The following EYA1 variants were observed in gnomAD, a reference collection of about 807,000 sequenced individuals.
The protein encoded by EYA1 is protein phosphatase EYA1.
A neutral mutation model predicts 82.0 loss-of-function variants in EYA1; 16 were observed. That is an observed-to-expected ratio of 0.20 (90% CI 0.13 to 0.30). The LOEUF (loss-of-function observed/expected upper bound fraction) is 0.30. EYA1 is among the 10% of genes least tolerant of loss of function. EYA1 has a pLI of 1.00. For missense variants in EYA1, 633 were observed against 730.7 expected (o/e 0.87, Z 1.54); for synonymous variants, 261 against 264.4 (o/e 0.99, Z 0.12).
At position 71,418,449 on chromosome 8, in the gene EYA1, C is replaced by T. The variant is rs149487669; in HGVS notation, c.34-61938G>A. ...CTGAACCCATTTTCTGACTTGAGCCCACATGCACTTTGGCATACAGAATAA... is the reference window on the plus strand; with the variant it reads ...CTGAACCCATTTTCTGACTTGAGCCTACATGCACTTTGGCATACAGAATAA... On this transcript the variant is annotated intron_variant, in intron 2 of 18. Transcript: ENST00000643681. Among the ~76,000 whole-genome samples the T allele has an allele frequency of 7.9e-5, 12 of 152,176 alleles. No individual in the cohort carries two copies. In the East Asian group the frequency reaches 2.1e-3, roughly 27 times the overall value.
intron 12 of EYA1, among the ~76,000 whole-genome samples, chr8:71,239,798 G>C (rs1461783634): frequency 6.6e-6 from 1 of 152,176 alleles, no homozygotes; most frequent in Non-Finnish European, 1.5e-5. Context: ...GCTGAACATA[G>C]AGCATCAGAG....
chr8:71,217,932 G>A (rs2128856961), intron 12 of EYA1, among the ~76,000 whole-genome samples: 1 of 152,218 alleles, frequency 6.6e-6, no homozygotes, highest in African/African-American at 2.4e-5. Flanking sequence ...ATCCCCAGAT[G>A]AATTGTGGGA....
intron 17 of EYA1, among the ~76,000 whole-genome samples, chr8:71,205,591 ACTT>A (rs1435941901): frequency 6.6e-6 from 1 of 152,190 alleles, no homozygotes; most frequent in African/African-American, 2.4e-5. Context: ...GGTATTTCTA[ACTT>A]CTTCTCTTTG....
chr8:71,276,966 C>T (rs1323189213), intron 9 of EYA1, among the ~76,000 whole-genome samples: 6 of 152,032 alleles, frequency 3.9e-5, no homozygotes, highest in East Asian at 1.9e-4. Context: ...TAGCACTCTA[C>T]GATGTTAGCT....
rs1036665112 is a variant in EYA1 at position 71,236,235 on chromosome 8, C to T, written c.1140+8368G>A. Reference sequence around the variant, plus strand: ...ATTTTTAGTAGAGATGGGGTTTCACCGTGTTGGTCAGACGGGTTTCAAACT... The same window carrying T: ...ATTTTTAGTAGAGATGGGGTTTCACTGTGTTGGTCAGACGGGTTTCAAACT... On this transcript the variant is annotated intron_variant, in intron 12 of 17. Transcript: ENST00000340726. Among the ~76,000 whole-genome samples, 9 of 152,120 alleles carry T rather than the reference C, an allele frequency of 5.9e-5. No individual in the cohort carries two copies. In the East Asian group the frequency reaches 1.2e-3, roughly 20 times the overall value.
At chr8:71,518,102 C>T (rs1339651580) in intron 2 of EYA1, among the ~76,000 whole-genome samples, 4 of 151,908 alleles carry the variant, frequency 2.6e-5, no homozygotes, top group African/African-American at 9.7e-5. Flanking sequence ...ATTTTAATTT[C>T]TTCCCATGGC....
intron 3 of EYA1, among the ~76,000 whole-genome samples, chr8:71,353,226 G>A (rs983233455): frequency 6.6e-6 from 1 of 152,170 alleles, no homozygotes; most frequent in African/African-American, 2.4e-5. Context: ...GCCGGCGCAG[G>A]GACCTGCGGC....
chr8:71,462,836 G>A (rs539028393), intron 2 of EYA1, among the ~76,000 whole-genome samples: 2 of 152,270 alleles, frequency 1.3e-5, no homozygotes, highest in South Asian at 2.1e-4. Context: ...GAGGACCAGC[G>A]TCTGCCATTG....
chr8:71,502,354 A>G (rs1461941886), intron 2 of EYA1, among the ~76,000 whole-genome samples: 1 of 152,222 alleles, frequency 6.6e-6, no homozygotes, highest in Non-Finnish European at 1.5e-5. Flanking sequence ...TTATAGGGAA[A>G]TAAACTGCCT....
At chr8:71,491,280 AAGG>A (rs1810979966) in intron 2 of EYA1, among the ~76,000 whole-genome samples, 1 of 152,330 alleles carries the variant, frequency 6.6e-6, no homozygotes, top group Non-Finnish European at 1.5e-5. Flanking sequence ...GAAAAAAAGA[AAGG>A]AGCATTGTTT....
At chr8:71,279,890 G>C (rs750322357) in intron 9 of EYA1, among the ~76,000 whole-genome samples, 34 of 152,132 alleles carry the variant, frequency 2.2e-4, no homozygotes, top group Non-Finnish European at 1.6e-4. Flanking sequence ...AGCAAGGCTC[G>C]GTAAATTTTT....
chr8:71,210,332 G>A (rs1808345435), intron 17 of EYA1, among the ~76,000 whole-genome samples: 1 of 152,194 alleles, frequency 6.6e-6, no homozygotes. Context: ...TTAGGGAAAA[G>A]ATTCCAAGGA....
Position 71,348,134 on chromosome 8 carries a change from C to T in EYA1, c.124+6648G>A, listed in dbSNP as rs1385975418. ...TTTGTAACATGTATGTATTTTTTTT[C>T]TATTATATTGTACGCTTAGAGTGAA... On this transcript the variant is annotated intron_variant, in intron 3 of 17. Transcript: ENST00000340726. Among the ~76,000 whole-genome samples, 6 of 151,800 alleles carry T rather than the reference C, an allele frequency of 4.0e-5. No homozygotes were observed. In the South Asian group the frequency reaches 1.2e-3, roughly 31 times the overall value.
intron 12 of EYA1, chr8:71,225,183 T>C (rs574258433): frequency 1.1e-5 from 5 of 455,866 alleles, no homozygotes; most frequent in South Asian, 7.8e-5. Context: ...CATTGTGCTT[T>C]CTAAGGGCAC....
At position 71,544,918 on chromosome 8, in the gene EYA1, C is replaced by T. The variant is rs1297833448; in HGVS notation, c.-73+2946G>A. On this transcript the variant is annotated intron_variant, in intron 1 of 18. Coordinates refer to the EYA1 transcript ENST00000643681. ...TCAGGCTCACTCAGATTCTCTTTGA[C>T]TCATGATTCCATGAGCCAATGACAG... 4.6e-5 allele frequency among the ~76,000 whole-genome samples: 7 copies of T among 152,324 alleles called. No homozygotes were observed. In the East Asian group the frequency reaches 1.4e-3, roughly 29 times the overall value.
At chr8:71,204,209 A>C (rs1470055454) in intron 17 of EYA1, 1 of 152,174 alleles carries the variant, frequency 6.6e-6, no homozygotes, top group Non-Finnish European at 1.5e-5. Context: ...AAACAATGAC[A>C]CATCCTTCCT....
chr8:71,311,665 G>T (rs527740727), intron 7 of EYA1, among the ~76,000 whole-genome samples: 12 of 152,272 alleles, frequency 7.9e-5, no homozygotes, highest in African/African-American at 2.9e-4. Flanking sequence ...CACCTCCTCA[G>T]GTTGAACTCT....
At chr8:71,287,216 G>T (rs1043574836) in intron 9 of EYA1, among the ~76,000 whole-genome samples, 7 of 152,188 alleles carry the variant, frequency 4.6e-5, no homozygotes, top group African/African-American at 1.7e-4. Flanking sequence ...CAGAATAAAA[G>T]ATTTAATGTA....
chr8:71,289,758 A>G (rs1563405880), intron 9 of EYA1, among the ~76,000 whole-genome samples: 1 of 152,226 alleles, frequency 6.6e-6, no homozygotes, highest in East Asian at 1.9e-4. Flanking sequence ...TTAGAACAAT[A>G]CCTGGCACTA....
Sources: allele counts gnomAD v4.1 joint callset (sites outside exome capture counted in the v4.1 genomes callset), GRCh38; gene constraint gnomAD v4.1.1; transcripts MANE v1.5; gene names NCBI Gene and HGNC (gene_info 2026-07-23, HGNC 2026-07-21).